Variants in LRBA observed in about 807,000 individuals in gnomAD.
LRBA encodes the protein LPS responsive beige-like anchor protein, also known as lipopolysaccharide-responsive and beige-like anchor protein.
A neutral mutation model predicts 330.0 loss-of-function variants in LRBA; 176 were observed. The observed-to-expected ratio is 0.53, with a 90% CI of 0.47 to 0.60. The LOEUF is 0.60. LRBA is among the 20% of genes least tolerant of loss of function. The pLI, the probability that LRBA is intolerant of heterozygous loss-of-function variation, is 0.00. For synonymous variants in LRBA, 1,230 were observed against 1,193.0 expected, an observed-to-expected ratio of 1.03 and a Z score of -0.64; for missense variants, 3,259 against 3,444.8, an observed-to-expected ratio of 0.95 and a Z score of 1.35.
Position 150,868,228 on chromosome 4 carries a change from G to A in LRBA, c.2527C>T (p.Leu843Phe), listed in dbSNP as rs1752978320. 13 of 1,612,804 alleles carry A rather than the reference G, an allele frequency of 8.1e-6. No individual in the cohort carries two copies. The highest frequency in any genetic ancestry group is 1.1e-5 in the Non-Finnish European group (13 of 1,179,090). Reference sequence around the variant, plus strand: ...TTAAAAAGTTTAATCATGTCAGAAAGAAAGGCTCTGCGAACCTCCATGCTC... The same window carrying A: ...TTAAAAAGTTTAATCATGTCAGAAAAAAAGGCTCTGCGAACCTCCATGCTC... ...PESMEVRRAF[L>F]SDMIKLFNNS... The change falls in exon 21 of 57, where the codon CTT becomes TTT. Residue 843 changes from leucine to phenylalanine, a missense_variant. Physicochemically the swap from Leu to Phe is conservative, Grantham distance 22. Coordinates refer to ENST00000651943, the MANE Select transcript of LRBA (RefSeq NM_001364905.1).
chr4:150,397,919 T>C (rs1177770077), intron 47 of LRBA, among the ~76,000 whole-genome samples: 1 of 152,208 alleles, frequency 6.6e-6, no homozygotes, highest in African/African-American at 2.4e-5. Flanking sequence ...CGACAGCTCT[T>C]ATTATCCTTC....
chr4:150,658,541 C>G (rs1163371735), intron 37 of LRBA, among the ~76,000 whole-genome samples: 1 of 8 alleles, frequency 0.12, no homozygotes, highest in African/African-American at 0.25. Context: ...CTCCCTCTCC[C>G]TCTCCCTCTC....
chr4:150,464,929 G>A (rs1328739087), intron 44 of LRBA, among the ~76,000 whole-genome samples: 6 of 151,770 alleles, frequency 4.0e-5, no homozygotes, highest in South Asian at 2.1e-4. Context: ...TAACATAAAC[G>A]TACAGTTCGG....
intron 20 of LRBA, among the ~76,000 whole-genome samples, chr4:150,869,752 C>A (rs909178459): frequency 9.9e-5 from 15 of 151,900 alleles, no homozygotes; most frequent in Admixed American, 2.0e-4. Context: ...AAAAAAAATT[C>A]TTTTAAAAAT....
At chr4:150,920,079 G>A (rs1447966867) in intron 5 of LRBA, among the ~76,000 whole-genome samples, 1 of 152,152 alleles carries the variant, frequency 6.6e-6, no homozygotes, top group East Asian at 1.9e-4. Context: ...AAAGAAAGTT[G>A]TATATTGTGT....
chr4:150,871,296 A>G, intron 19 of LRBA, 49 bp downstream of exon 19: 1 of 1,015,340 alleles, frequency 9.8e-7, no homozygotes, highest in Non-Finnish European at 1.5e-6. Context: ...GTTAAGAGGC[A>G]TTTTTATAAT....
chr4:150,494,101 G>C (rs377098444), intron 40 of LRBA, among the ~76,000 whole-genome samples: 5 of 151,924 alleles, frequency 3.3e-5, no homozygotes, highest in African/African-American at 1.2e-4. Flanking sequence ...AGAAAAAAAA[G>C]AAAAATGAGG....
At chr4:150,662,577 C>T (rs564514563) in intron 37 of LRBA, among the ~76,000 whole-genome samples, 1 of 152,068 alleles carries the variant, frequency 6.6e-6, no homozygotes, top group African/African-American at 2.4e-5. Context: ...GATCTGTTTG[C>T]AAAGGTGAAG....
chr4:150,440,096 T>A (rs945559698), intron 44 of LRBA, among the ~76,000 whole-genome samples: 2 of 152,142 alleles, frequency 1.3e-5, no homozygotes, highest in Admixed American at 1.3e-4. Flanking sequence ...GCTAGCACCA[T>A]CATCCTACAT....
At chr4:150,316,715 C>A (rs116056777) in intron 50 of LRBA, among the ~76,000 whole-genome samples, 1 of 152,128 alleles carries the variant, frequency 6.6e-6, no homozygotes, top group African/African-American at 2.4e-5. Context: ...GGGACCTCAA[C>A]CCTGGCTCTT....
intron 9 of LRBA, among the ~76,000 whole-genome samples, chr4:150,911,280 TGTCA>T (rs912631569): frequency 6.6e-6 from 1 of 152,212 alleles, no homozygotes; most frequent in African/African-American, 2.4e-5. Context: ...GAGGAAAAAC[TGTCA>T]GTTTTTCACT....
intron 2 of LRBA, among the ~76,000 whole-genome samples, chr4:150,997,401 TTG>T (rs1742781234): frequency 6.6e-6 from 1 of 152,192 alleles, no homozygotes; most frequent in Admixed American, 6.5e-5. Flanking sequence ...ACTCAAACTA[TTG>T]TGTTTCAAAA....
chr4:150,487,857 A>T, intron 41 of LRBA, 23 bp from the exon 42 acceptor site: 1 of 1,360,400 alleles, frequency 7.4e-7, no homozygotes. Flanking sequence ...ATTTTTAAAA[A>T]TTAGAACACA....
chr4:150,693,437 G>T (rs369410285), intron 36 of LRBA, among the ~76,000 whole-genome samples: 2 of 149,758 alleles, frequency 1.3e-5, no homozygotes, highest in Admixed American at 6.6e-5. Flanking sequence ...AGTGGCGGGC[G>T]CCTGTAGTCC....
chr4:150,951,808 T>A (rs946161105), intron 2 of LRBA, among the ~76,000 whole-genome samples: 17 of 152,218 alleles, frequency 1.1e-4, no homozygotes, highest in African/African-American at 4.1e-4. Context: ...TATTAGATAT[T>A]CAAATACTAT....
chr4:150,302,528 C>A, intron 53 of LRBA, 97 bp downstream of exon 53: 3 of 649,668 alleles, frequency 4.6e-6, no homozygotes, highest in South Asian at 4.2e-5. Context: ...CTTGATAATC[C>A]TGTCTCACTT....
At chr4:150,953,125 G>T (rs955335567) in intron 2 of LRBA, among the ~76,000 whole-genome samples, 1 of 152,146 alleles carries the variant, frequency 6.6e-6, no homozygotes, top group Non-Finnish European at 1.5e-5. Context: ...TATCTGAAGA[G>T]TTCTGTTAGT....
At chr4:150,584,104 CTA>C in intron 40 of LRBA, 1 of 1,538,302 alleles carries the variant, frequency 6.5e-7, no homozygotes, top group Non-Finnish European at 8.7e-7. Flanking sequence ...CCTGGACAAA[CTA>C]TAGGGTGCTG....
chr4:150,792,367 G>C (rs762036727), intron 34 of LRBA, among the ~76,000 whole-genome samples: 19 of 152,152 alleles, frequency 1.2e-4, no homozygotes, highest in Non-Finnish European at 1.8e-4. Flanking sequence ...GGTGACAGAG[G>C]AGGGGATTGA....
Sources: gnomAD v4.1 joint callset for allele counts (sites outside exome capture counted in the v4.1 genomes callset) on GRCh38, gnomAD v4.1.1 for gene constraint, MANE v1.5 for transcripts, NCBI Gene and HGNC (gene_info 2026-07-23, HGNC 2026-07-21) for gene names.